The following WDPCP variants were observed in gnomAD, a reference collection of about 807,000 sequenced individuals.
The protein encoded by WDPCP is WD repeat containing planar cell polarity effector, also known as WD repeat-containing and planar cell polarity effector protein fritz homolog.
Under a neutral mutation model 93.1 loss-of-function variants are expected in WDPCP, and 71 were observed. The observed-to-expected ratio is 0.76, with a 90% CI of 0.63 to 0.93. The LOEUF is 0.93. Among genes scored for constraint, WDPCP ranks in the 40% least tolerant of loss-of-function variants. WDPCP has a pLI of 0.00. For synonymous variants in WDPCP, 315 were observed against 315.0 expected (o/e 1.00, Z 0.00); for missense variants, 844 against 887.4 (o/e 0.95, Z 0.62).
chr2:63,643,062 T>G (rs1385027207), intron 3 of WDPCP: 1 of 153,756 alleles, frequency 6.5e-6, no homozygotes, highest in African/African-American at 2.4e-5. Context: ...CAAATGCTTT[T>G]TTTGGCATCT....
intron 15 of WDPCP, among the ~76,000 whole-genome samples, chr2:63,158,363 T>C (rs1367241183): frequency 6.6e-6 from 1 of 152,202 alleles, no homozygotes; most frequent in African/African-American, 2.4e-5. Flanking sequence ...GTTCCCATTG[T>C]GATCTCTATC....
chr2:63,606,788 A>G (rs1709539083), intron 3 of WDPCP: 1 of 1,151,602 alleles, frequency 8.7e-7, no homozygotes, highest in Non-Finnish European at 1.2e-6. Context: ...TCTAAATATA[A>G]GTTCAAACAA....
chr2:63,285,202 C>T (rs1022002620), intron 13 of WDPCP, among the ~76,000 whole-genome samples: 3 of 151,982 alleles, frequency 2.0e-5, no homozygotes, highest in East Asian at 1.9e-4. Flanking sequence ...AGGCCAAGGG[C>T]GGCGGATCAC....
chr2:63,209,611 A>T (rs905465288), intron 14 of WDPCP, among the ~76,000 whole-genome samples: 8 of 152,156 alleles, frequency 5.3e-5, no homozygotes, highest in Non-Finnish European at 1.2e-4. Context: ...AGCTTGTTGT[A>T]GATGCTGTCC....
intron 12 of WDPCP, among the ~76,000 whole-genome samples, chr2:63,333,466 C>A (rs532430710): frequency 2.0e-5 from 3 of 151,658 alleles, no homozygotes; most frequent in Non-Finnish European, 4.4e-5. Flanking sequence ...CGTTTAAGTC[C>A]ACTAAGAAAC....
At chr2:63,178,537 G>A (rs1037071484) in intron 14 of WDPCP, among the ~76,000 whole-genome samples, 5 of 151,798 alleles carry the variant, frequency 3.3e-5, no homozygotes, top group Middle Eastern at 3.2e-3. Context: ...ATTTTATGTC[G>A]TATTGGCTGT....
At position 63,359,895 on chromosome 2, in the gene WDPCP, A is replaced by T. The variant is rs1047190795; in HGVS notation, c.1748+18491T>A. On this transcript the variant is annotated intron_variant, in intron 12 of 17. Coordinates refer to ENST00000272321, the MANE Select transcript of WDPCP (RefSeq NM_015910.7). Reference sequence around the variant, plus strand: ...GGAGTTCAAGACCAGCCTGGCCAACATGGTGAAATCCCATCTCTACTAAAA... The same window carrying T: ...GGAGTTCAAGACCAGCCTGGCCAACTTGGTGAAATCCCATCTCTACTAAAA... 2.0e-5 allele frequency: 3 copies of T among 152,228 alleles called. No individual in the cohort carries two copies. Among genetic ancestry groups the T allele is most frequent in the African/African-American group, 7.2e-5 (3 of 41,452 alleles). The allele number at this position is 152,228 out of a possible 1,614,324, so 9.4% of individuals were successfully genotyped here. A position where few individuals can be genotyped will look rare whatever the true frequency, so the allele number is the denominator to read the frequency against.
At chr2:63,131,767 C>T (rs182025079) in intron 17 of WDPCP, among the ~76,000 whole-genome samples, 2 of 150,806 alleles carry the variant, frequency 1.3e-5, no homozygotes, top group East Asian at 3.9e-4. Flanking sequence ...GTTGACTATA[C>T]ATCTTTTATC....
chr2:63,647,645 A>G (rs1279689204), intron 3 of WDPCP, among the ~76,000 whole-genome samples: 2 of 152,230 alleles, frequency 1.3e-5, no homozygotes. Context: ...GACTGCCTAT[A>G]AAAGGACAAC....
chr2:63,697,023 T>C (rs1358530087), intron 2 of WDPCP, among the ~76,000 whole-genome samples: 1 of 152,242 alleles, frequency 6.6e-6, no homozygotes, highest in Non-Finnish European at 1.5e-5. Flanking sequence ...GAACACTCTA[T>C]TCAAGAATGG....
chr2:63,838,150 T>C, the WDPCP span, among the ~76,000 whole-genome samples: 1 of 152,074 alleles, frequency 6.6e-6, no homozygotes, highest in South Asian at 2.1e-4. Context: ...TAAAATGATT[T>C]AGTGGCACTA....
At chr2:63,383,439 G>A (rs1288482273) in intron 10 of WDPCP, among the ~76,000 whole-genome samples, 1 of 152,102 alleles carries the variant, frequency 6.6e-6, no homozygotes, top group African/African-American at 2.4e-5. Context: ...TGGTGCCCAG[G>A]GGCAGTGGTT....
chr2:63,703,159 G>C (rs1480818368), intron 2 of WDPCP, among the ~76,000 whole-genome samples: 5 of 152,090 alleles, frequency 3.3e-5, no homozygotes, highest in Admixed American at 2.0e-4. Context: ...CTTTGCTATT[G>C]TGAATAGTGC....
chr2:63,534,917 A>T (rs1459265510), intron 1 of WDPCP, among the ~76,000 whole-genome samples: 1 of 152,190 alleles, frequency 6.6e-6, no homozygotes, highest in Non-Finnish European at 1.5e-5. Flanking sequence ...GAGGAAGTCA[A>T]ATTGTTCCTG....
chr2:63,397,119 C>A (rs1322805329), intron 10 of WDPCP, among the ~76,000 whole-genome samples: 3 of 152,068 alleles, frequency 2.0e-5, no homozygotes, highest in Non-Finnish European at 4.4e-5. Context: ...GATACAGGGC[C>A]TCTGCTTGAT....
At chr2:63,247,724 T>G (rs905295761) in intron 14 of WDPCP, among the ~76,000 whole-genome samples, 2 of 151,584 alleles carry the variant, frequency 1.3e-5, no homozygotes, top group Admixed American at 6.6e-5. Flanking sequence ...AAAATACTTC[T>G]GGTAACAAGC....
At chr2:63,835,410 AAAG>A in the WDPCP span, among the ~76,000 whole-genome samples, 1 of 150,956 alleles carries the variant, frequency 6.6e-6, no homozygotes, top group Non-Finnish European at 1.5e-5. Context: ...AAAAAAAAAA[AAAG>A]AAGAAAACAG....
At chr2:63,783,217 G>T (rs908902036) in intron 2 of WDPCP, among the ~76,000 whole-genome samples, 1 of 151,710 alleles carries the variant, frequency 6.6e-6, no homozygotes, top group African/African-American at 2.4e-5. Context: ...TTCAGGACCA[G>T]CCTGGACAAT....
chr2:63,603,655 CTTTTTTTTTTTT>C (rs11297982), intron 3 of WDPCP, among the ~76,000 whole-genome samples: 1 of 99,112 alleles, frequency 1.0e-5, no homozygotes, highest in Non-Finnish European at 1.9e-5. Context: ...CAAGACATTT[CTTTTTTTTTTTT>C]TTTTTTTTTT....
Sources: gnomAD v4.1 joint callset for allele counts (sites outside exome capture counted in the v4.1 genomes callset) on GRCh38, gnomAD v4.1.1 for gene constraint, MANE v1.5 for transcripts, NCBI Gene and HGNC (gene_info 2026-07-23, HGNC 2026-07-21) for gene names.